The following ARSJ variants were observed in gnomAD, a reference collection of about 807,000 sequenced individuals.
ARSJ encodes the protein arylsulfatase J.
In ARSJ, 26 loss-of-function variants were observed where a neutral mutation model predicts 35.9. The ratio of observed to expected loss-of-function variants is 0.72; its 90% CI spans 0.53 to 1.00. ARSJ has a LOEUF of 1.00. Ranked by LOEUF, ARSJ falls within the 50% of genes least tolerant of loss-of-function variation. ARSJ has a pLI of 0.00. For missense variants in ARSJ, 667 were observed against 723.6 expected (o/e 0.92, Z 0.90); for synonymous variants, 294 against 267.6 (o/e 1.10, Z -0.96).
At chr4:113,924,362 A>G (rs1723919911) in intron 1 of ARSJ, among the ~76,000 whole-genome samples, 1 of 151,902 alleles carries the variant, frequency 6.6e-6, no homozygotes, top group South Asian at 2.1e-4. Flanking sequence ...GATGGTGCCC[A>G]CCAGATTAAG....
In ARSJ at chr4:113,929,443, G is replaced by C. The variant is rs553588878; in HGVS notation, c.399-25768C>G. ...TGGAAGCATGGGTTGGGGCAGGAGGGATGTTGCCACTACTGGGGATGGGGA... is the reference window on the plus strand; with the variant it reads ...TGGAAGCATGGGTTGGGGCAGGAGGCATGTTGCCACTACTGGGGATGGGGA... On this transcript the variant is annotated intron_variant, in intron 1 of 1. Coordinates refer to ENST00000315366, the MANE Select transcript of ARSJ (RefSeq NM_024590.4). Among the ~76,000 whole-genome samples the C allele has an allele frequency of 4.9e-4, 74 of 152,246 alleles. 2 individuals carry two copies. The South Asian group carries it at 0.015, about 32-fold the overall frequency.
rs970080778 is a variant in ARSJ at position 113,958,354 on chromosome 4, C to T, written c.398+20083G>A. ...GACAGAGGTATAGAAGCAAAATTAACGTTAAAAAATTTAAGTGCATTACCA... is the reference window on the plus strand; with the variant it reads ...GACAGAGGTATAGAAGCAAAATTAATGTTAAAAAATTTAAGTGCATTACCA... On this transcript the variant is annotated intron_variant, in intron 1 of 1. Coordinates refer to ENST00000315366, the MANE Select transcript of ARSJ (RefSeq NM_024590.4). Among the ~76,000 whole-genome samples the T allele has an allele frequency of 2.0e-5, 3 of 151,982 alleles. No homozygotes were observed. In the East Asian group the frequency reaches 5.8e-4, roughly 29 times the overall value.
At chr4:113,924,079 ATATATATATATATAT>A (rs1181281989) in intron 1 of ARSJ, among the ~76,000 whole-genome samples, 1 of 118,518 alleles carries the variant, frequency 8.4e-6, no homozygotes, top group Non-Finnish European at 1.7e-5. Context: ...ATATATAAAT[ATATATATATATATAT>A]ATATATATAT....
At chr4:113,919,100 TA>T (rs1229560775) in intron 1 of ARSJ, among the ~76,000 whole-genome samples, 1 of 152,080 alleles carries the variant, frequency 6.6e-6, no homozygotes, top group Non-Finnish European at 1.5e-5. Context: ...TAAAAATAAA[TA>T]AATATAAAAA....
At chr4:113,903,961 C>G (rs1562330064) in intron 1 of ARSJ, among the ~76,000 whole-genome samples, 1 of 152,200 alleles carries the variant, frequency 6.6e-6, no homozygotes, top group East Asian at 1.9e-4. Context: ...TCTTAGTCGT[C>G]ACCCAGGGTG....
At chr4:113,911,643 G>A (rs2099670494) in intron 1 of ARSJ, among the ~76,000 whole-genome samples, 2 of 152,100 alleles carry the variant, frequency 1.3e-5, no homozygotes, top group South Asian at 2.1e-4. Flanking sequence ...CTGGGTGGCC[G>A]GGTGTAAGGA....
chr4:113,959,326 T>G (rs1160267126), intron 1 of ARSJ, among the ~76,000 whole-genome samples: 1 of 152,166 alleles, frequency 6.6e-6, no homozygotes, highest in East Asian at 1.9e-4. Flanking sequence ...AAAAATTTTC[T>G]GTTTAATGTT....
chr4:113,975,189 A>G (rs1446470835), intron 1 of ARSJ, among the ~76,000 whole-genome samples: 1 of 152,202 alleles, frequency 6.6e-6, no homozygotes. Context: ...TTTTAAGCAC[A>G]GTGAATTTAT....
intron 1 of ARSJ, among the ~76,000 whole-genome samples, chr4:113,907,044 A>G (rs1361469263): frequency 6.6e-6 from 1 of 152,208 alleles, no homozygotes; most frequent in East Asian, 1.9e-4. Context: ...CTGCCCCACC[A>G]GGCTGTGAAA....
At chr4:113,965,062 G>A (rs1199121664) in intron 1 of ARSJ, among the ~76,000 whole-genome samples, 1 of 152,048 alleles carries the variant, frequency 6.6e-6, no homozygotes, top group African/African-American at 2.4e-5. Context: ...TATTTTAAAT[G>A]CCTTGTGGCA....
At chr4:113,912,734 AATGT>A (rs767007637) in intron 1 of ARSJ, among the ~76,000 whole-genome samples, 3 of 87,654 alleles carry the variant, frequency 3.4e-5, no homozygotes, top group Non-Finnish European at 7.5e-5. Flanking sequence ...AATAAATGAG[AATGT>A]GTGTGTGTGT....
intron 1 of ARSJ, among the ~76,000 whole-genome samples, chr4:113,956,246 G>T (rs369344229): frequency 1.3e-5 from 2 of 151,934 alleles, no homozygotes; most frequent in Admixed American, 6.6e-5. Context: ...AATAGATTAG[G>T]ATTTAAACCC....
chr4:113,952,949 A>G (rs1725952365), intron 1 of ARSJ, among the ~76,000 whole-genome samples: 1 of 152,132 alleles, frequency 6.6e-6, no homozygotes, highest in Non-Finnish European at 1.5e-5. Flanking sequence ...GTCCAAGCTA[A>G]GATCAAAATT....
chr4:113,924,056 AATATATATAAATATATATAAATAT>A (rs60277634), intron 1 of ARSJ, among the ~76,000 whole-genome samples: 48 of 91,542 alleles, frequency 5.2e-4, no homozygotes, highest in African/African-American at 2.3e-3. Flanking sequence ...AATATATATA[AATATATATAAATATATATAAATAT>A]ATATATATAT....
At chr4:113,932,282 C>T (rs1360784019) in intron 1 of ARSJ, among the ~76,000 whole-genome samples, 1 of 151,928 alleles carries the variant, frequency 6.6e-6, no homozygotes, top group East Asian at 1.9e-4. Context: ...AACTTCAACA[C>T]CCCACTCTCA....
chr4:113,906,413 G>A (rs181559851), intron 1 of ARSJ, among the ~76,000 whole-genome samples: 42 of 152,302 alleles, frequency 2.8e-4, no homozygotes, highest in African/African-American at 7.7e-4. Flanking sequence ...ATGGTGTAGC[G>A]TCTGCAGATA....
At chr4:113,917,991 C>T (rs4631117) in intron 1 of ARSJ, among the ~76,000 whole-genome samples, 107,704 of 152,048 alleles carry the variant, frequency 0.71, 38,930 homozygotes, top group East Asian at 0.81. Flanking sequence ...TAAGAAATTA[C>T]GGAGTTCAAT....
chr4:113,949,383 C>G (rs886633553), intron 1 of ARSJ, among the ~76,000 whole-genome samples: 2 of 151,948 alleles, frequency 1.3e-5, no homozygotes, highest in African/African-American at 4.8e-5. Context: ...CTACATCTTC[C>G]CTAGCACTTT....
intron 1 of ARSJ, among the ~76,000 whole-genome samples, chr4:113,948,753 GCA>G (rs1293212431): frequency 1.3e-5 from 2 of 152,092 alleles, no homozygotes; most frequent in African/African-American, 4.8e-5. Flanking sequence ...AAACAATCCA[GCA>G]CTGTGACATG....
Sources: allele counts gnomAD v4.1 joint callset (sites outside exome capture counted in the v4.1 genomes callset), GRCh38; gene constraint gnomAD v4.1.1; transcripts MANE v1.5; gene names NCBI Gene and HGNC (gene_info 2026-07-23, HGNC 2026-07-21).